The following FALEC variants were observed in gnomAD, a reference collection of about 807,000 sequenced individuals.
FALEC encodes focally amplified lncRNA on chromosome 1.
the FALEC span, among the ~76,000 whole-genome samples, chr1:150,528,022 A>G: frequency 2.6e-5 from 4 of 152,184 alleles, no homozygotes; most frequent in South Asian, 6.2e-4. Context: ...TGTATTATGG[A>G]AGAAATCATG....
At chr1:150,518,774 T>G (rs978626505), downstream of FALEC, among the ~76,000 whole-genome samples, 1 of 151,366 alleles carries the variant, frequency 6.6e-6, no homozygotes, top group Non-Finnish European at 1.5e-5. Flanking sequence ...TGAAAATCCC[T>G]GGCCGGGCGC....
At chr1:150,519,643 T>C (rs1204878226), downstream of FALEC, among the ~76,000 whole-genome samples, 1 of 150,386 alleles carries the variant, frequency 6.6e-6, no homozygotes, top group Non-Finnish European at 1.5e-5. Context: ...GATCATAAGG[T>C]CAGGAGTTCG....
downstream of FALEC, among the ~76,000 whole-genome samples, chr1:150,522,889 G>GTATATATA (rs1179886123): frequency 4.5e-5 from 2 of 44,302 alleles, no homozygotes; most frequent in Non-Finnish European, 4.7e-5. Flanking sequence ...ATATATATAC[G>GTATATATA]TATATATATA....
downstream of FALEC, among the ~76,000 whole-genome samples, chr1:150,521,020 C>T (rs958874646): frequency 1.8e-4 from 28 of 152,040 alleles, no homozygotes; most frequent in African/African-American, 6.5e-4. Flanking sequence ...AAGCTGGTCT[C>T]GAACTCCCGA....
At chr1:150,518,783 G>A (rs1416268410), downstream of FALEC, among the ~76,000 whole-genome samples, 2 of 152,062 alleles carry the variant, frequency 1.3e-5, no homozygotes, top group Non-Finnish European at 2.9e-5. Context: ...CTGGCCGGGC[G>A]CTGTGGCTCA....
At chr1:150,526,543 T>TGAG in the FALEC span, among the ~76,000 whole-genome samples, 2 of 151,472 alleles carry the variant, frequency 1.3e-5, no homozygotes, top group African/African-American at 2.4e-5. Context: ...TTTTTTTTGA[T>TGAG]TCTCCTGCCT....
the FALEC span, among the ~76,000 whole-genome samples, chr1:150,527,539 G>A: frequency 6.6e-6 from 1 of 152,306 alleles, no homozygotes; most frequent in Admixed American, 6.5e-5. Flanking sequence ...GATTACAGGT[G>A]TGGGCCACTG....
chr1:150,536,048 A>G, the FALEC span, among the ~76,000 whole-genome samples: 2 of 152,234 alleles, frequency 1.3e-5, no homozygotes, highest in Non-Finnish European at 2.9e-5. Context: ...TAATAACATA[A>G]GGACGCAGCC....
At chr1:150,536,572 A>T in the FALEC span, among the ~76,000 whole-genome samples, 3 of 152,190 alleles carry the variant, frequency 2.0e-5, no homozygotes, top group African/African-American at 7.2e-5. Flanking sequence ...CAGAAGGATC[A>T]CTGGAGCTCC....
At chr1:150,516,317 T>A (rs1670569420) in intron 1 of FALEC, among the ~76,000 whole-genome samples, 1 of 152,098 alleles carries the variant, frequency 6.6e-6, no homozygotes, top group Non-Finnish European at 1.5e-5. Context: ...GAGCTGCGTT[T>A]GCAAAGTGCA....
downstream of FALEC, among the ~76,000 whole-genome samples, chr1:150,522,878 T>TATATATACGTATATATATATATACAC (rs1553907913): frequency 3.2e-5 from 3 of 92,954 alleles, no homozygotes; most frequent in Admixed American, 3.5e-4. Flanking sequence ...TATATATACA[T>TATATATACGTATATATATATATACAC]ATATATATAC....
chr1:150,533,080 G>T, the FALEC span, among the ~76,000 whole-genome samples: 1 of 152,246 alleles, frequency 6.6e-6, no homozygotes, highest in Non-Finnish European at 1.5e-5. Flanking sequence ...TTGGGATGAG[G>T]CCAGGGAGGA....
At chr1:150,520,409 CTATAA>C (rs1670623736), downstream of FALEC, among the ~76,000 whole-genome samples, 1 of 152,058 alleles carries the variant, frequency 6.6e-6, no homozygotes, top group South Asian at 2.1e-4. Flanking sequence ...TATAATGTGC[CTATAA>C]TATTTGTCCT....
At chr1:150,516,017 C>CG (rs1444849471) in exon 1 of FALEC, 1 of 151,234 alleles carries the variant, frequency 6.6e-6, no homozygotes, top group Non-Finnish European at 1.5e-5. Flanking sequence ...GAGGCCGAGG[C>CG]GGTGGATCAC....
chr1:150,532,950 G>T, the FALEC span, among the ~76,000 whole-genome samples: 1 of 152,194 alleles, frequency 6.6e-6, no homozygotes, highest in Non-Finnish European at 1.5e-5. Context: ...AGTGCAACTA[G>T]AGAGGAAGAG....
chr1:150,521,570 T>G (rs1420937464), downstream of FALEC, among the ~76,000 whole-genome samples: 1 of 152,220 alleles, frequency 6.6e-6, no homozygotes. Context: ...ATTGTTTTAT[T>G]TGCTCATTTA....
downstream of FALEC, among the ~76,000 whole-genome samples, chr1:150,522,851 C>A (rs145402324): frequency 0.36 from 31,563 of 87,214 alleles, 7,547 homozygotes; most frequent in African/African-American, 0.49. Flanking sequence ...CTCTCTCTCT[C>A]TATATATATA....
chr1:150,518,801 A>T (rs1009471729), downstream of FALEC, among the ~76,000 whole-genome samples: 4 of 151,962 alleles, frequency 2.6e-5, no homozygotes, highest in African/African-American at 9.7e-5. Context: ...TCACGCCTGT[A>T]ATCCGGGCAC....
chr1:150,533,069 G>A, the FALEC span, among the ~76,000 whole-genome samples: 2 of 152,242 alleles, frequency 1.3e-5, no homozygotes, highest in African/African-American at 2.4e-5. Context: ...CAGTAATAGC[G>A]TTGGGATGAG....
Sources: gnomAD v4.1 joint callset for allele counts (sites outside exome capture counted in the v4.1 genomes callset) on GRCh38, gnomAD v4.1.1 for gene constraint, MANE v1.5 for transcripts, NCBI Gene and HGNC (gene_info 2026-07-23, HGNC 2026-07-21) for gene names.